EFNA5: variants seen among roughly 807,000 people sequenced by gnomAD.
EFNA5 encodes the protein ephrin A5, also known as ephrin-A5.
A neutral mutation model predicts 22.9 loss-of-function variants in EFNA5; 5 were observed. That is an observed-to-expected ratio of 0.22 (90% confidence interval 0.11 to 0.46). EFNA5 has a LOEUF of 0.46. Ranked by LOEUF, EFNA5 falls within the 20% of genes least tolerant of loss-of-function variation. The pLI, the probability that EFNA5 is intolerant of heterozygous loss-of-function variation, is 0.99. For missense variants in EFNA5, 237 were observed against 293.3 expected (o/e 0.81, Z 1.40); for synonymous variants, 113 against 112.2 (o/e 1.01, Z -0.04).
At chr5:107,634,270 C>T (rs764187508) in intron 1 of EFNA5, among the ~76,000 whole-genome samples, 5 of 152,108 alleles carry the variant, frequency 3.3e-5, no homozygotes, top group African/African-American at 4.8e-5. Flanking sequence ...AATCCAAGCA[C>T]TTTGGAAGGC....
At chr5:107,564,671 G>A (rs1748626561) in intron 1 of EFNA5, among the ~76,000 whole-genome samples, 1 of 129,118 alleles carries the variant, frequency 7.7e-6, no homozygotes, top group Non-Finnish European at 1.6e-5. Context: ...AGCCCCATCT[G>A]TAATGACCTG....
rs191475286 is a variant in EFNA5, at chr5:107,444,393, G to A, written c.126-16884C>T. Among the ~76,000 whole-genome samples the A allele has an allele frequency of 1.7e-3, 259 of 152,316 alleles. 2 individuals carry two copies. Among genetic ancestry groups the A allele is most frequent in the Admixed American group, 0.015 (237 of 15,302 alleles). ...CTCGCTGACTTAACAATAATGCAAA[G>A]GCAGACAAAATTTGTACAGATTTTT... On this transcript the variant is annotated intron_variant, in intron 1 of 4. Coordinates refer to ENST00000333274, the MANE Select transcript of EFNA5 (RefSeq NM_001962.3).
intron 2 of EFNA5, among the ~76,000 whole-genome samples, chr5:107,425,208 TATTTGA>T (rs1444304659): frequency 6.6e-6 from 1 of 152,226 alleles, no homozygotes; most frequent in East Asian, 1.9e-4. Context: ...GCTATGGGTA[TATTTGA>T]ATAATAACAT....
At position 107,482,812 on chromosome 5, in the gene EFNA5, CTGTCTCTCTCTCTG is replaced by C. The variant is rs1385042836; in HGVS notation, c.126-55317_126-55304del. Among the ~76,000 whole-genome samples the C allele has an allele frequency of 4.8e-5, 4 of 82,722 alleles. 1 individual carries two copies. The highest frequency in any genetic ancestry group is 1.4e-4 in the African/African-American group (3 of 21,526). 54.3% of individuals were successfully genotyped at this position (82,722 alleles called of 152,430 possible). On this transcript the variant is annotated intron_variant, in intron 1 of 4. Coordinates refer to ENST00000333274, the MANE Select transcript of EFNA5 (RefSeq NM_001962.3). ...TTTTGGCTGCTCTCTCTCTCTCTCT[CTGTCTCTCTCTCTG>C]TCTCTGTCTCTCTCTCTCTCTCTCT...
rs540408504 is a variant in EFNA5 at position 107,504,220 on chromosome 5, G to A, written c.126-76711C>T. On this transcript the variant is annotated intron_variant, in intron 1 of 4. Coordinates refer to ENST00000333274, the MANE Select transcript of EFNA5 (RefSeq NM_001962.3). ...ATTTTTTAAATTAACTAAAAAAAGAGCTTCATTCTTAAGGTTTGAATTACA... is the reference window on the plus strand; with the variant it reads ...ATTTTTTAAATTAACTAAAAAAAGAACTTCATTCTTAAGGTTTGAATTACA... Among the ~76,000 whole-genome samples the A allele has an allele frequency of 1.2e-4, 19 of 152,220 alleles. No homozygotes were observed. In the South Asian group the frequency reaches 3.7e-3, roughly 30 times the overall value.
At chr5:107,462,118 A>G (rs1344880138) in intron 1 of EFNA5, among the ~76,000 whole-genome samples, 1 of 152,148 alleles carries the variant, frequency 6.6e-6, no homozygotes, top group African/African-American at 2.4e-5. Context: ...GCAGACGGAC[A>G]GACACACACA....
intron 1 of EFNA5, among the ~76,000 whole-genome samples, chr5:107,550,155 T>C (rs1390350011): frequency 6.6e-6 from 1 of 152,350 alleles, no homozygotes; most frequent in Non-Finnish European, 1.5e-5. Context: ...GAGATGCTTT[T>C]AGATGTGCTC....
chr5:107,661,934 C>A (rs998001275), intron 1 of EFNA5, among the ~76,000 whole-genome samples: 1 of 152,082 alleles, frequency 6.6e-6, no homozygotes, highest in Admixed American at 6.6e-5. Context: ...TATAAAAATA[C>A]TTTCATTTAC....
intron 1 of EFNA5, among the ~76,000 whole-genome samples, chr5:107,543,194 G>A (rs947290988): frequency 2.0e-5 from 3 of 152,058 alleles, no homozygotes; most frequent in African/African-American, 4.8e-5. Flanking sequence ...GCACACTCCC[G>A]GAGCCTCCAC....
At chr5:107,596,471 T>C (rs1190261297) in intron 1 of EFNA5, among the ~76,000 whole-genome samples, 1 of 152,200 alleles carries the variant, frequency 6.6e-6, no homozygotes, top group African/African-American at 2.4e-5. Context: ...TAATATTCCA[T>C]GGTATATAAA....
intron 1 of EFNA5, among the ~76,000 whole-genome samples, chr5:107,506,867 G>C (rs2112430505): frequency 6.6e-6 from 1 of 152,244 alleles, no homozygotes. Context: ...AAAAAGGCTT[G>C]TCTCCAAGAA....
chr5:107,383,438 T>C (rs1296169063), intron 4 of EFNA5, among the ~76,000 whole-genome samples: 25 of 152,216 alleles, frequency 1.6e-4, no homozygotes, highest in African/African-American at 7.2e-5. Flanking sequence ...AGGCCCTTAA[T>C]AGCCCTGAAA....
chr5:107,627,783 AT>A (rs1750173522), intron 1 of EFNA5, among the ~76,000 whole-genome samples: 1 of 152,182 alleles, frequency 6.6e-6, no homozygotes, highest in African/African-American at 2.4e-5. Flanking sequence ...TTCCATTTCA[AT>A]TACCACAATG....
intron 1 of EFNA5, among the ~76,000 whole-genome samples, chr5:107,521,029 C>T (rs1747584524): frequency 6.6e-6 from 1 of 152,090 alleles, no homozygotes; most frequent in African/African-American, 2.4e-5. Context: ...TGAAAATAAG[C>T]ATGTGCCATT....
chr5:107,399,321 AAAG>A (rs1748021594), intron 2 of EFNA5, among the ~76,000 whole-genome samples: 1 of 92,306 alleles, frequency 1.1e-5, no homozygotes, highest in Admixed American at 1.3e-4. Context: ...AAGGAAACGG[AAAG>A]GAAAGGAAAG....
chr5:107,431,064 G>A (rs1055254296), intron 1 of EFNA5, among the ~76,000 whole-genome samples: 5 of 152,074 alleles, frequency 3.3e-5, no homozygotes, highest in South Asian at 2.1e-4. Context: ...GTGAGCCACC[G>A]CGCCCGGCCA....
Position 107,443,031 on chromosome 5 carries a change from T to C in EFNA5, c.126-15522A>G, listed in dbSNP as rs552105618. Among the ~76,000 whole-genome samples, 23 of 151,046 alleles carry C rather than the reference T, an allele frequency of 1.5e-4. No homozygotes were observed. In the South Asian group the frequency reaches 4.6e-3, roughly 30 times the overall value. ...TCTCTTCATATCATGGAAGAAGATA[T>C]CCAAATTTTCCCTGGGGTACAGGTT... On this transcript the variant is annotated intron_variant, in intron 1 of 4. Transcript: ENST00000333274.
rs367943322 is a variant in EFNA5 at position 107,453,754 on chromosome 5, C to T, written c.126-26245G>A. On this transcript the variant is annotated intron_variant, in intron 1 of 4. Coordinates refer to ENST00000333274, the MANE Select transcript of EFNA5 (RefSeq NM_001962.3). ...AAGACCTTAGCAGCAGCAGGTGGAG[C>T]GGAGGAGGTATTATTGAAATACTTG... Among the ~76,000 whole-genome samples, 26 of 152,152 alleles carry T rather than the reference C, an allele frequency of 1.7e-4. No individual in the cohort carries two copies. The South Asian group carries it at 2.1e-3, about 12-fold the overall frequency.
chr5:107,448,846 T>TAAAA (rs1749468246), intron 1 of EFNA5, among the ~76,000 whole-genome samples: 1 of 117,318 alleles, frequency 8.5e-6, no homozygotes, highest in Non-Finnish European at 1.7e-5. Flanking sequence ...AATAAATAAA[T>TAAAA]AAATAAATAA....
Sources: allele counts gnomAD v4.1 joint callset (sites outside exome capture counted in the v4.1 genomes callset), GRCh38; gene constraint gnomAD v4.1.1; transcripts MANE v1.5; gene names NCBI Gene and HGNC (gene_info 2026-07-23, HGNC 2026-07-21).